Variants in C6orf89 observed in about 807,000 individuals in gnomAD.
The protein encoded by C6orf89 is chromosome 6 open reading frame 89.
C6orf89 carries 29 observed loss-of-function variants against 40.7 expected under a neutral mutation model. The ratio of observed to expected loss-of-function variants is 0.71; its 90% CI spans 0.53 to 0.97. C6orf89 has a LOEUF of 0.97. Among genes scored for constraint, C6orf89 ranks in the 50% least tolerant of loss-of-function variants. The pLI is 0.00. For missense variants in C6orf89, 392 were observed against 429.1 expected (o/e 0.91, Z 0.76); for synonymous variants, 165 against 152.2 (o/e 1.08, Z -0.62).
chr6:36,893,169 C>T (rs1008937034), intron 1 of C6orf89, among the ~76,000 whole-genome samples: 5 of 152,036 alleles, frequency 3.3e-5, no homozygotes, highest in Non-Finnish European at 4.4e-5. Flanking sequence ...CTCCTGACCT[C>T]GTGATCTGCC....
intron 1 of C6orf89, among the ~76,000 whole-genome samples, chr6:36,890,908 C>A (rs1761182784): frequency 6.6e-6 from 1 of 152,118 alleles, no homozygotes; most frequent in Non-Finnish European, 1.5e-5. Flanking sequence ...TCGTATTAAT[C>A]ATTTCAATGT....
At chr6:36,911,607 A>G (rs1309869902) in intron 4 of C6orf89, among the ~76,000 whole-genome samples, 1 of 152,174 alleles carries the variant, frequency 6.6e-6, no homozygotes, top group East Asian at 1.9e-4. Flanking sequence ...AATTCGAGGA[A>G]GGTGCCCCTT....
chr6:36,899,371 G>T (rs1761571781), intron 2 of C6orf89, 55 bp from the exon 3 acceptor site: 3 of 1,539,644 alleles, frequency 1.9e-6, no homozygotes, highest in Non-Finnish European at 2.7e-6. Context: ...TGAAGAGGAA[G>T]TACCTAAAGA....
Position 36,923,502 on chromosome 6 carries a change from A to C in C6orf89, c.*61A>C. On this transcript the variant is annotated 3_prime_UTR_variant, in exon 9 of 9. Transcript: ENST00000480824. ...CGAAAACCAGGTTGAAAGGGGAAAA[A>C]TAAAAACAAAAACGATGAAACTGCT... is the stretch of plus-strand genomic sequence containing the variant. The C allele has an allele frequency of 7.4e-7, 1 of 1,346,224 alleles. No individual in the cohort carries two copies. Among genetic ancestry groups the C allele is most frequent in the Non-Finnish European group, 1.1e-6 (1 of 940,330 alleles). 83.4% of individuals were successfully genotyped at this position (1,346,224 alleles called of 1,614,324 possible). A position where few individuals can be genotyped will look rare whatever the true frequency, so the allele number is the denominator to read the frequency against.
At chr6:36,883,334 A>C (rs2150671933), upstream of C6orf89, 1 of 152,260 alleles carries the variant, frequency 6.6e-6, no homozygotes, top group South Asian at 2.1e-4. Flanking sequence ...GGAACTGTAC[A>C]TCCATTGGAA....
At chr6:36,874,705 G>T (rs889059138) in intron 1 of C6orf89, 1 of 1,613,784 alleles carries the variant, frequency 6.2e-7, no homozygotes, top group Non-Finnish European at 8.5e-7. Flanking sequence ...CCAGACGCCC[G>T]AACCCCCTCA....
chr6:36,911,885 A>C (rs1384903308), intron 4 of C6orf89, among the ~76,000 whole-genome samples: 1 of 141,150 alleles, frequency 7.1e-6, no homozygotes. Flanking sequence ...CCTTTTTTCC[A>C]TTCCCACTGC....
At chr6:36,903,618 C>G (rs1413498621) in intron 4 of C6orf89, among the ~76,000 whole-genome samples, 2 of 152,042 alleles carry the variant, frequency 1.3e-5, no homozygotes, top group Non-Finnish European at 2.9e-5. Flanking sequence ...CGCCACCACG[C>G]CCGGCTAATT....
chr6:36,872,961 C>T (rs1037548314), intron 1 of C6orf89, among the ~76,000 whole-genome samples: 1 of 152,198 alleles, frequency 6.6e-6, no homozygotes, highest in Non-Finnish European at 1.5e-5. Context: ...GTGCCTTGCA[C>T]AGTGTAAACA....
intron 2 of C6orf89, among the ~76,000 whole-genome samples, chr6:36,895,452 T>G (rs1761387431): frequency 6.6e-6 from 1 of 152,220 alleles, no homozygotes; most frequent in Non-Finnish European, 1.5e-5. Context: ...GACAACCGAC[T>G]GGGTGGTCTC....
rs1309704860 is a variant in C6orf89, at chr6:36,925,126, A to G, written c.*1685A>G. 1 of 152,186 alleles carries G rather than the reference A, an allele frequency of 6.6e-6. No homozygotes were observed. The highest frequency in any genetic ancestry group is 1.9e-4 in the East Asian group (1 of 5,202). The allele number at this position is 152,186 out of a possible 1,614,324, so 9.4% of individuals were successfully genotyped here. On this transcript the variant is annotated 3_prime_UTR_variant, in exon 9 of 9. Transcript: ENST00000480824. ...GAACAACAAAACTTGTGTACGTATG[A>G]AAGTCATGTTGTTAAGCAGTTATGA...
intron 6 of C6orf89, 129 bp from the exon 7 acceptor site, chr6:36,916,316 A>G (rs148070262): frequency 4.1e-6 from 4 of 966,994 alleles, no homozygotes; most frequent in Non-Finnish European, 6.2e-6. Context: ...CTAGTACTTA[A>G]GATACTGTAC....
At chr6:36,921,456 T>C (rs1008307177) in intron 8 of C6orf89, among the ~76,000 whole-genome samples, 6 of 151,906 alleles carry the variant, frequency 3.9e-5, no homozygotes, top group African/African-American at 1.5e-4. Flanking sequence ...CCTGTGGAGA[T>C]GGAGGGGAGA....
At chr6:36,881,300 G>C (rs1263536423), upstream of C6orf89, among the ~76,000 whole-genome samples, 1 of 152,180 alleles carries the variant, frequency 6.6e-6, no homozygotes, top group Non-Finnish European at 1.5e-5. Flanking sequence ...GTAAATTTTT[G>C]CCTAGGTTAG....
At chr6:36,911,940 C>CT (rs939361685) in intron 4 of C6orf89, among the ~76,000 whole-genome samples, 23 of 148,104 alleles carry the variant, frequency 1.6e-4, no homozygotes, top group Non-Finnish European at 2.7e-4. Context: ...ACCCCCCCCC[C>CT]CCGACCTTTT....
At chr6:36,897,516 G>A (rs189106841) in intron 2 of C6orf89, among the ~76,000 whole-genome samples, 8 of 152,326 alleles carry the variant, frequency 5.3e-5, no homozygotes, top group South Asian at 4.1e-4. Flanking sequence ...TTATCTGAAT[G>A]TGGGGGGTAT....
chr6:36,892,586 T>C (rs1761246739), intron 1 of C6orf89, among the ~76,000 whole-genome samples: 1 of 152,350 alleles, frequency 6.6e-6, no homozygotes, highest in African/African-American at 2.4e-5. Flanking sequence ...CTGAGAACTA[T>C]TGTTGTAAAG....
chr6:36,905,769 C>T (rs575596454), intron 4 of C6orf89, among the ~76,000 whole-genome samples: 16 of 152,308 alleles, frequency 1.1e-4, no homozygotes, highest in Admixed American at 2.0e-4. Context: ...TCCATGGAAT[C>T]ATTGAGTCTT....
chr6:36,911,499 T>A (rs59341304), intron 4 of C6orf89, among the ~76,000 whole-genome samples: 6,740 of 151,666 alleles, frequency 0.044, 446 homozygotes, highest in African/African-American at 0.15. Context: ...CCAAAAAAAA[T>A]AATAATAATA....
Sources: allele counts gnomAD v4.1 joint callset (sites outside exome capture counted in the v4.1 genomes callset), GRCh38; gene constraint gnomAD v4.1.1; transcripts MANE v1.5; gene names NCBI Gene and HGNC (gene_info 2026-07-23, HGNC 2026-07-21).